Variants in HHIP observed in about 807,000 individuals in gnomAD.
HHIP encodes hedgehog-interacting protein.
A neutral mutation model predicts 74.0 loss-of-function variants in HHIP; 12 were observed. The ratio of observed to expected loss-of-function variants is 0.16; its 90% confidence interval spans 0.10 to 0.26. The LOEUF (loss-of-function observed/expected upper bound fraction) is 0.26. Ranked by LOEUF, HHIP falls within the 10% of genes least tolerant of loss-of-function variation. HHIP has a pLI of 1.00. For missense variants in HHIP, 788 were observed against 845.0 expected (o/e 0.93, Z 0.84); for synonymous variants, 309 against 311.6 (o/e 0.99, Z 0.09).
At chr4:144,682,439 C>T (rs1290698329) in intron 4 of HHIP, among the ~76,000 whole-genome samples, 1 of 152,172 alleles carries the variant, frequency 6.6e-6, no homozygotes, top group Non-Finnish European at 1.5e-5. Context: ...AAAACACCAC[C>T]AAATATCAAA....
At position 144,739,304 on chromosome 4, in the gene HHIP, T is replaced by C. The variant is rs565176616; in HGVS notation, c.*1347T>C. 1.1e-4 allele frequency: 17 copies of C among 152,320 alleles called. No individual in the cohort carries two copies. The highest frequency in any genetic ancestry group is 3.6e-4 in the African/African-American group (15 of 41,578). 9.4% of individuals were successfully genotyped at this position (152,320 alleles called of 1,614,324 possible). ...TCCACGTTTGGATTTTAACAAAATA[T>C]AAGGCCTCTTTGCACTAGTGAAAAA... is the stretch of plus-strand genomic sequence containing the variant. On this transcript the variant is annotated 3_prime_UTR_variant, in exon 13 of 13. Transcript: ENST00000296575.
intron 12 of HHIP, 57 bp from the exon 13 acceptor site, chr4:144,737,707 T>C (rs962440406): frequency 1.4e-6 from 2 of 1,468,808 alleles, no homozygotes; most frequent in Admixed American, 2.1e-5. Flanking sequence ...TCATGCTCAG[T>C]CCTGTTTCTG....
At chr4:144,662,735 G>A (rs1389628785) in intron 4 of HHIP, among the ~76,000 whole-genome samples, 47 of 152,122 alleles carry the variant, frequency 3.1e-4, no homozygotes. Context: ...CGTTGTTATT[G>A]TTCTGTTGTT....
chr4:144,703,067 T>G (rs1458370823), intron 4 of HHIP, among the ~76,000 whole-genome samples: 1 of 151,918 alleles, frequency 6.6e-6, no homozygotes, highest in Non-Finnish European at 1.5e-5. Context: ...AATTCAAAAT[T>G]AGCTGGGCAT....
intron 4 of HHIP, among the ~76,000 whole-genome samples, chr4:144,676,895 T>C (rs1195253067): frequency 6.6e-6 from 1 of 152,252 alleles, no homozygotes; most frequent in Non-Finnish European, 1.5e-5. Flanking sequence ...CTTCTGAGGA[T>C]GACTGTGTCT....
chr4:144,737,864 C>T lies in HHIP; in HGVS notation c.2010C>T (p.Asp670=). The change falls in exon 13 of 13, where the codon GAC becomes GAT. Residue 670 remains aspartate, a synonymous_variant. Coordinates refer to ENST00000296575, the MANE Select transcript of HHIP (RefSeq NM_022475.3). The part of the protein sequence containing the change: ...GYLGPQCEQV[D]RNIRRVTRAG... ...TTGGTCCTCAATGTGAACAAGTGGA[C>T]AGAAACATCCGCAGAGTGACCAGGG... 1 of 1,613,954 alleles carries T rather than the reference C, an allele frequency of 6.2e-7. No individual in the cohort carries two copies. Among genetic ancestry groups the T allele is most frequent in the Non-Finnish European group, 8.5e-7 (1 of 1,179,850 alleles).
intron 4 of HHIP, among the ~76,000 whole-genome samples, chr4:144,670,410 G>A (rs1729000852): frequency 1.4e-5 from 2 of 146,756 alleles, no homozygotes; most frequent in Admixed American, 6.9e-5. Context: ...GCAATGAATC[G>A]AGATCATGCC....
chr4:144,741,619 T>G lies in HHIP; in HGVS notation c.*3662T>G, dbSNP rs1324025549. ...CTGATTTCAAACTCCAGACTTCAAG[T>G]GATCCAGCCCCCCAGGCCTCCCAAA... On this transcript the variant is annotated 3_prime_UTR_variant, in exon 13 of 13. Coordinates refer to ENST00000296575, the MANE Select transcript of HHIP (RefSeq NM_022475.3). 1 of 152,062 alleles carries G rather than the reference T, an allele frequency of 6.6e-6. No individual in the cohort carries two copies. The highest frequency in any genetic ancestry group is 1.5e-5 in the Non-Finnish European group (1 of 68,038). 9.4% of individuals were successfully genotyped at this position (152,062 alleles called of 1,614,324 possible).
At chr4:144,653,076 T>G (rs1481670935) in intron 2 of HHIP, among the ~76,000 whole-genome samples, 5 of 152,140 alleles carry the variant, frequency 3.3e-5, no homozygotes, top group African/African-American at 4.8e-5. Context: ...GTGGTAATCT[T>G]TACACACGTT....
intron 11 of HHIP, among the ~76,000 whole-genome samples, chr4:144,731,290 G>A (rs1730947493): frequency 6.6e-6 from 1 of 152,024 alleles, no homozygotes; most frequent in South Asian, 2.1e-4. Context: ...CATCTTCCAT[G>A]TGCAACACAT....
intron 7 of HHIP, among the ~76,000 whole-genome samples, chr4:144,708,919 T>G (rs1383188453): frequency 6.6e-6 from 1 of 152,202 alleles, no homozygotes; most frequent in Admixed American, 6.5e-5. Flanking sequence ...AAGGACTCCA[T>G]ATTAACTGTT....
intron 4 of HHIP, among the ~76,000 whole-genome samples, chr4:144,672,663 T>C (rs975657140): frequency 1.3e-5 from 2 of 152,038 alleles, no homozygotes; most frequent in African/African-American, 4.8e-5. Flanking sequence ...TGATATGATC[T>C]GACTTAAACT....
rs566625177 is a variant in HHIP at position 144,736,913 on chromosome 4, C to T, written c.1910-851C>T. On this transcript the variant is annotated intron_variant, in intron 12 of 12. Coordinates refer to ENST00000296575, the MANE Select transcript of HHIP (RefSeq NM_022475.3). The stretch of plus-strand genomic sequence containing the variant: ...CCACAGACACCTGGAATTTGATTAA[C>T]GCATTTGAAAGGTCAAAATGACCCT... Among the ~76,000 whole-genome samples the T allele has an allele frequency of 8.5e-5, 13 of 152,174 alleles. No individual in the cohort carries two copies. The South Asian group carries it at 1.7e-3, about 19-fold the overall frequency.
Position 144,711,256 on chromosome 4 carries a change from C to T in HHIP, c.1302-694C>T, listed in dbSNP as rs554882502. Among the ~76,000 whole-genome samples, 4 of 152,196 alleles carry T rather than the reference C, an allele frequency of 2.6e-5. No individual in the cohort carries two copies. The South Asian group carries it at 8.3e-4, about 32-fold the overall frequency. Reference sequence around the variant, plus strand: ...AATGCAGCAATTTCATGTAAGAAACCCAAAATTAATGTTATAACTAGTACT... The same window carrying T: ...AATGCAGCAATTTCATGTAAGAAACTCAAAATTAATGTTATAACTAGTACT... On this transcript the variant is annotated intron_variant, in intron 7 of 12. Coordinates refer to ENST00000296575, the MANE Select transcript of HHIP (RefSeq NM_022475.3).
intron 4 of HHIP, chr4:144,685,808 G>A (rs1729469924): frequency 6.6e-6 from 1 of 152,076 alleles, no homozygotes; most frequent in Non-Finnish European, 1.5e-5. Context: ...AGCATAATCA[G>A]GCATGCATTG....
chr4:144,677,643 C>T (rs1160625326), intron 4 of HHIP, among the ~76,000 whole-genome samples: 1 of 152,140 alleles, frequency 6.6e-6, no homozygotes, highest in Non-Finnish European at 1.5e-5. Context: ...CCCTGGGCAG[C>T]AATAACAACA....
In HHIP at chr4:144,718,858, ATTTC is replaced by A. The variant is rs769606277; in HGVS notation, c.1679-9_1679-6del. On this transcript the variant is annotated splice_polypyrimidine_tract_variant and intron_variant, in intron 10 of 12. Coordinates refer to ENST00000296575, the MANE Select transcript of HHIP (RefSeq NM_022475.3). ...TACTGCTATAAATTTGCTTATTGTT[ATTTC>A]TTTCTTTAACAGGTGAAGTTTACAT... 1.3e-6 allele frequency: 2 copies of A among 1,550,788 alleles called. No individual in the cohort carries two copies. Among genetic ancestry groups the A allele is most frequent in the Non-Finnish European group, 8.9e-7 (1 of 1,122,854 alleles).
intron 4 of HHIP, among the ~76,000 whole-genome samples, chr4:144,672,734 C>G (rs1262641901): frequency 1.3e-5 from 2 of 152,014 alleles, no homozygotes; most frequent in African/African-American, 4.8e-5. Context: ...TGGAGTCTTG[C>G]TTTGTCACCC....
intron 11 of HHIP, among the ~76,000 whole-genome samples, chr4:144,720,698 G>C (rs1464111166): frequency 1.3e-5 from 2 of 152,008 alleles, no homozygotes; most frequent in East Asian, 3.9e-4. Flanking sequence ...ATTTGTGTTT[G>C]CTTTTCAGAA....
Sources: allele counts gnomAD v4.1 joint callset (sites outside exome capture counted in the v4.1 genomes callset), GRCh38; gene constraint gnomAD v4.1.1; transcripts MANE v1.5; gene names NCBI Gene and HGNC (gene_info 2026-07-23, HGNC 2026-07-21).